ARHGEF10: variants seen among roughly 807,000 people sequenced by gnomAD.
The protein encoded by ARHGEF10 is Rho guanine nucleotide exchange factor (GEF) 10.
A neutral mutation model predicts 147.4 loss-of-function variants in ARHGEF10; 140 were observed. The observed-to-expected ratio is 0.95, with a 90% CI of 0.83 to 1.09. The LOEUF is 1.09. Among genes scored for constraint, ARHGEF10 ranks in the 50% least tolerant of loss-of-function variants. The pLI is 0.00. For missense variants in ARHGEF10, 2,222 were observed against 1,752.7 expected, an observed-to-expected ratio of 1.27 and a Z score of -4.78; for synonymous variants, 902 against 695.8, an observed-to-expected ratio of 1.30 and a Z score of -4.67.
In ARHGEF10 at chr8:1,880,115, C is replaced by A. The variant is rs752299513; in HGVS notation, c.911C>A (p.Thr304Lys). ...EKKMRDLMASTVGVVEIQQLR... is the reference protein window; with the variant it reads ...EKKMRDLMASKVGVVEIQQLR... The stretch of plus-strand genomic sequence containing the variant: ...AAGATGAGAGATTTGATGGCAAGCA[C>A]GGTGGGCGTGGTGGAGATTCAGCAG... Residue 304 changes from threonine to lysine, a missense_variant, in exon 9 of 29, where the codon ACG becomes AAG. Thr to Lys is a moderately conservative substitution (Grantham distance 78). Coordinates refer to ENST00000349830, the MANE Select transcript of ARHGEF10 (RefSeq NM_014629.4). 1 of 1,614,122 alleles carries A rather than the reference C, an allele frequency of 6.2e-7. No homozygotes were observed. Among genetic ancestry groups the A allele is most frequent in the Admixed American group, 1.7e-5 (1 of 60,020 alleles).
intron 25 of ARHGEF10, among the ~76,000 whole-genome samples, chr8:1,933,272 G>A (rs977164683): frequency 6.6e-6 from 1 of 152,194 alleles, no homozygotes; most frequent in African/African-American, 2.4e-5. Flanking sequence ...TAGAACGGAA[G>A]CAGCTAATGG....
intron 26 of ARHGEF10, among the ~76,000 whole-genome samples, chr8:1,942,291 G>T (rs1286215096): frequency 6.6e-6 from 1 of 150,674 alleles, no homozygotes; most frequent in East Asian, 1.9e-4. Context: ...GCTATTAAAG[G>T]CAAGGGAACT....
At chr8:1,880,896 G>C (rs1808132575) in intron 9 of ARHGEF10, among the ~76,000 whole-genome samples, 1 of 152,198 alleles carries the variant, frequency 6.6e-6, no homozygotes, top group African/African-American at 2.4e-5. Context: ...TGTTGTGCTT[G>C]GGCCATCAGA....
At chr8:1,900,649 C>CT (rs1810378610) in intron 15 of ARHGEF10, among the ~76,000 whole-genome samples, 1 of 152,162 alleles carries the variant, frequency 6.6e-6, no homozygotes, top group Non-Finnish European at 1.5e-5. Flanking sequence ...GTACACTTTT[C>CT]TTTTTTGAAA....
intron 28 of ARHGEF10, among the ~76,000 whole-genome samples, chr8:1,955,962 C>T (rs1469743026): frequency 3.3e-5 from 5 of 152,218 alleles, no homozygotes; most frequent in African/African-American, 1.2e-4. Flanking sequence ...AATGGACTCT[C>T]ACCACGGTGG....
intron 27 of ARHGEF10, among the ~76,000 whole-genome samples, chr8:1,951,881 C>G (rs978766741): frequency 5.6e-5 from 2 of 35,434 alleles, no homozygotes; most frequent in Admixed American, 5.9e-4. Context: ...ATGTGGCTCC[C>G]ACCCTGTAAC....
rs1563313050 is a variant in ARHGEF10 at position 1,937,465 on chromosome 8, A to G, written c.3222+3523A>G. ...CAGCTGGGGGTAATTCCCCTTTCTC[A>G]GGCTGCTTGTAATTTATATGCTGTA... On this transcript the variant is annotated intron_variant, in intron 26 of 28. Coordinates refer to ENST00000349830, the MANE Select transcript of ARHGEF10 (RefSeq NM_014629.4). This position sits in a 1 kb window ranked among gnomAD's most constrained non-coding sequence, Gnocchi z 4.9. Among the ~76,000 whole-genome samples, 1 of 152,180 alleles carries G rather than the reference A, an allele frequency of 6.6e-6. No homozygotes were observed. The highest frequency in any genetic ancestry group is 6.5e-5 in the Admixed American group (1 of 15,282).
At chr8:1,833,003 GGC>G (rs1235147796) in intron 1 of ARHGEF10, among the ~76,000 whole-genome samples, 3 of 4,616 alleles carry the variant, frequency 6.5e-4, no homozygotes, top group Non-Finnish European at 1.1e-3. Flanking sequence ...GGCAGAGACA[GGC>G]AGAGAGAGAC....
At chr8:1,874,599 C>T (rs892031219) in intron 7 of ARHGEF10, among the ~76,000 whole-genome samples, 12 of 152,186 alleles carry the variant, frequency 7.9e-5, no homozygotes, top group South Asian at 4.1e-4. Flanking sequence ...AGATACATAC[C>T]GGGGTGTGTA....
chr8:1,901,284 G>C (rs890905963), intron 15 of ARHGEF10, among the ~76,000 whole-genome samples: 1 of 152,080 alleles, frequency 6.6e-6, no homozygotes, highest in South Asian at 2.1e-4. Flanking sequence ...GGAGAGGCCT[G>C]GACACCCTCT....
chr8:1,933,222 T>G (rs147688145), intron 25 of ARHGEF10, among the ~76,000 whole-genome samples: 1 of 152,344 alleles, frequency 6.6e-6, no homozygotes, highest in East Asian at 1.9e-4. Flanking sequence ...TGTGAAGATA[T>G]GGCCTCTCTT....
intron 1 of ARHGEF10, among the ~76,000 whole-genome samples, chr8:1,838,837 C>G (rs1803748880): frequency 6.6e-6 from 1 of 152,122 alleles, no homozygotes; most frequent in African/African-American, 2.4e-5. Context: ...TGGTTGCTGT[C>G]TGGCATGGAA....
At chr8:1,825,711 G>C (rs1449731215) in intron 1 of ARHGEF10, among the ~76,000 whole-genome samples, 1 of 152,126 alleles carries the variant, frequency 6.6e-6, no homozygotes, top group South Asian at 2.1e-4. Context: ...AGCAGTAGAC[G>C]AACTTGCTGT....
intron 9 of ARHGEF10, 44 bp from the exon 10 acceptor site, chr8:1,882,591 G>C: frequency 6.7e-7 from 1 of 1,487,766 alleles, no homozygotes; most frequent in Non-Finnish European, 9.2e-7. Context: ...GTCGCAGGTG[G>C]GTTCTGCCGC....
chr8:1,836,327 T>C (rs898149323), intron 1 of ARHGEF10, among the ~76,000 whole-genome samples: 5 of 151,922 alleles, frequency 3.3e-5, no homozygotes, highest in African/African-American at 9.7e-5. Context: ...CTCCTGGGGA[T>C]AGAGTGTTTT....
At chr8:1,951,161 T>C (rs1815013989) in intron 27 of ARHGEF10, among the ~76,000 whole-genome samples, 1 of 152,226 alleles carries the variant, frequency 6.6e-6, no homozygotes, top group Non-Finnish European at 1.5e-5. Flanking sequence ...TACTTACTGT[T>C]GAGTCAAACT....
intron 18 of ARHGEF10, among the ~76,000 whole-genome samples, chr8:1,911,853 A>T (rs1218320148): frequency 1.3e-5 from 2 of 151,856 alleles, no homozygotes; most frequent in African/African-American, 4.8e-5. Context: ...TGCCTGTAAT[A>T]CCTCCCTCAG....
intron 15 of ARHGEF10, among the ~76,000 whole-genome samples, chr8:1,901,693 G>A (rs984036473): frequency 1.3e-5 from 2 of 152,358 alleles, no homozygotes; most frequent in African/African-American, 2.4e-5. Context: ...CCCTGTGCTG[G>A]CTGCTGTCTC....
At chr8:1,906,915 T>C (rs1810940514) in intron 17 of ARHGEF10, among the ~76,000 whole-genome samples, 1 of 152,086 alleles carries the variant, frequency 6.6e-6, no homozygotes, top group Admixed American at 6.6e-5. Flanking sequence ...AATATGTGAG[T>C]CTTTAATGAC....
Sources: gnomAD v4.1 joint callset for allele counts (sites outside exome capture counted in the v4.1 genomes callset) on GRCh38, gnomAD v4.1.1 for gene constraint, Gnocchi (gnomAD v3.1) non-coding constraint, MANE v1.5 for transcripts, NCBI Gene and HGNC (gene_info 2026-07-23, HGNC 2026-07-21) for gene names.